KAZN: variants seen among roughly 807,000 people sequenced by gnomAD.
KAZN encodes the protein kazrin, periplakin interacting protein.
KAZN carries 40 observed loss-of-function variants against 87.4 expected under a neutral mutation model. The ratio of observed to expected loss-of-function variants is 0.46; its 90% CI spans 0.36 to 0.60. The LOEUF is 0.60. Among genes scored for constraint, KAZN ranks in the 20% least tolerant of loss-of-function variants. The pLI is 0.00. For synonymous variants in KAZN, 466 were observed against 458.3 expected (o/e 1.02, Z -0.22); for missense variants, 898 against 1,073.9 (o/e 0.84, Z 2.29).
At chr1:14,698,727 C>T (rs10927508) in intron 1 of KAZN, among the ~76,000 whole-genome samples, 55,140 of 152,146 alleles carry the variant, frequency 0.36, 10,994 homozygotes, top group East Asian at 0.52. Context: ...AGCACCAGCC[C>T]GTTTCATATC....
intron 1 of KAZN, among the ~76,000 whole-genome samples, chr1:14,875,297 C>T (rs948731346): frequency 6.9e-6 from 1 of 144,238 alleles, no homozygotes; most frequent in African/African-American, 2.6e-5. Context: ...TGCCATTGCA[C>T]TCCATCCTGG....
At chr1:13,967,417 A>G (rs927564394) in intron 1 of KAZN, among the ~76,000 whole-genome samples, 4 of 152,176 alleles carry the variant, frequency 2.6e-5, no homozygotes. Flanking sequence ...AGTGCACCCA[A>G]TAATACATTG....
chr1:14,804,354 G>A (rs1167322131), intron 1 of KAZN, among the ~76,000 whole-genome samples: 1 of 152,190 alleles, frequency 6.6e-6, no homozygotes, highest in African/African-American at 2.4e-5. Flanking sequence ...CAGGAAGCAG[G>A]GACCCCATGG....
At chr1:14,761,924 A>G (rs1047090210) in intron 1 of KAZN, among the ~76,000 whole-genome samples, 3 of 150,534 alleles carry the variant, frequency 2.0e-5, no homozygotes, top group Admixed American at 2.0e-4. Context: ...AGCTTCAAAA[A>G]GGAAGCAGAA....
chr1:14,870,328 T>C (rs993083047), intron 1 of KAZN, among the ~76,000 whole-genome samples: 1 of 152,190 alleles, frequency 6.6e-6, no homozygotes, highest in Non-Finnish European at 1.5e-5. Context: ...CCCTGTTTCC[T>C]CAACTGTTTT....
At chr1:14,617,990 T>A (rs1052929616) in intron 1 of KAZN, among the ~76,000 whole-genome samples, 1 of 152,178 alleles carries the variant, frequency 6.6e-6, no homozygotes, top group Non-Finnish European at 1.5e-5. Context: ...TCACCCTCCC[T>A]GGGAGAGGGA....
At chr1:14,161,693 C>T (rs1645713588) in intron 1 of KAZN, among the ~76,000 whole-genome samples, 1 of 152,182 alleles carries the variant, frequency 6.6e-6, no homozygotes, top group Non-Finnish European at 1.5e-5. Flanking sequence ...AGGTGAGAAT[C>T]ATTGGGTTCT....
intron 1 of KAZN, among the ~76,000 whole-genome samples, chr1:13,944,889 A>G (rs1265619967): frequency 6.6e-6 from 1 of 152,210 alleles, no homozygotes; most frequent in Non-Finnish European, 1.5e-5. Flanking sequence ...ATAAATAATT[A>G]TATGTAAATA....
At chr1:15,005,080 G>T (rs927427283) in intron 2 of KAZN, among the ~76,000 whole-genome samples, 1 of 152,162 alleles carries the variant, frequency 6.6e-6, no homozygotes, top group Non-Finnish European at 1.5e-5. Flanking sequence ...CCAAGCCCAG[G>T]CTGGGAATGA....
chr1:14,326,107 T>C (rs772069732), intron 2 of KAZN, among the ~76,000 whole-genome samples: 5 of 152,206 alleles, frequency 3.3e-5, no homozygotes, highest in Non-Finnish European at 5.9e-5. Context: ...AACTGCTTAA[T>C]TGACATCTCC....
chr1:14,537,643 T>C (rs563705091), intron 2 of KAZN, among the ~76,000 whole-genome samples: 1 of 152,314 alleles, frequency 6.6e-6, no homozygotes, highest in Non-Finnish European at 1.5e-5. Context: ...TTATATTGCC[T>C]GTTCCCCCTA....
At chr1:14,554,150 T>C (rs1673717063) in intron 2 of KAZN, among the ~76,000 whole-genome samples, 1 of 152,234 alleles carries the variant, frequency 6.6e-6, no homozygotes, top group African/African-American at 2.4e-5. Context: ...CTATAACTCA[T>C]GTCACTGGGT....
At chr1:14,993,103 A>G (rs1342024796) in intron 2 of KAZN, among the ~76,000 whole-genome samples, 3 of 150,616 alleles carry the variant, frequency 2.0e-5, no homozygotes, top group African/African-American at 4.9e-5. Flanking sequence ...CTGGGATTAC[A>G]GATGTGAGCC....
intron 1 of KAZN, among the ~76,000 whole-genome samples, chr1:14,606,592 C>T (rs1007668073): frequency 6.6e-6 from 1 of 152,132 alleles, no homozygotes; most frequent in Non-Finnish European, 1.5e-5. Context: ...CCTTATTCTC[C>T]ATCCATCCCA....
At chr1:14,984,496 G>C (rs1666576391) in intron 2 of KAZN, among the ~76,000 whole-genome samples, 2 of 152,166 alleles carry the variant, frequency 1.3e-5, no homozygotes, top group African/African-American at 4.8e-5. Context: ...CGGTGGATTG[G>C]AGTTGGGGCC....
intron 2 of KAZN, among the ~76,000 whole-genome samples, chr1:14,217,989 AT>A (rs1646995442): frequency 6.6e-6 from 1 of 152,162 alleles, no homozygotes; most frequent in African/African-American, 2.4e-5. Flanking sequence ...CTTGGAGAAT[AT>A]TTTTCCCATG....
Position 15,101,755 on chromosome 1 carries a change from A to G in KAZN, c.1760A>G (p.Gln587Arg). Residue 587 changes from glutamine (Q) to arginine (R), a missense_variant, in exon 11 of 15, where the codon CAA (glutamine) becomes CGA (arginine). By Grantham distance (43) the Gln-to-Arg change is conservative. Around this residue, in one of 3 missense-constraint regions of KAZN, gnomAD observed 521 missense variants for 689.4 expected, o/e 0.76. Transcript: ENST00000376030. The stretch of plus-strand genomic sequence containing the variant: ...CTGCTGGGGATCGAGCTGCTGTACC[A>G]AGTGAACTTCAGCAGGGAGGTGAGG... ...SILLGIELLY[Q>R]VNFSREALQE... The G allele has an allele frequency of 1.9e-6, 3 of 1,581,432 alleles. No individual in the cohort carries two copies. Among genetic ancestry groups the G allele is most frequent in the Non-Finnish European group, 2.6e-6 (3 of 1,163,348 alleles).
rs1284759132 is a variant in KAZN, at chr1:14,750,826, G to T, written c.226+151603G>T. ...AGAAAACACATGATTTCAGGGATCA[G>T]TTTGGGAGGGTTCTCCCATCATGAG... On this transcript the variant is annotated intron_variant, in intron 1 of 14. Transcript: ENST00000376030. Among the ~76,000 whole-genome samples, 3 of 152,320 alleles carry T rather than the reference G, an allele frequency of 2.0e-5. No individual in the cohort carries two copies. In the South Asian group the frequency reaches 6.2e-4, roughly 32 times the overall value.
intron 1 of KAZN, among the ~76,000 whole-genome samples, chr1:14,737,438 A>G (rs960230787): frequency 6.6e-6 from 1 of 152,232 alleles, no homozygotes; most frequent in Non-Finnish European, 1.5e-5. Context: ...TACAGGGAGA[A>G]GCAGGCACAG....
Sources: allele counts gnomAD v4.1 joint callset (sites outside exome capture counted in the v4.1 genomes callset), GRCh38; gene constraint gnomAD v4.1.1; regional missense constraint gnomAD v4.1.1; transcripts MANE v1.5; gene names NCBI Gene and HGNC (gene_info 2026-07-23, HGNC 2026-07-21).